Variants in GRHL3 observed in about 807,000 individuals in gnomAD.
GRHL3 encodes grainyhead-like protein 3 homolog.
A neutral mutation model predicts 70.3 loss-of-function variants in GRHL3; 20 were observed. The observed-to-expected ratio is 0.28, with a 90% confidence interval of 0.20 to 0.41. The LOEUF (loss-of-function observed/expected upper bound fraction) is 0.41, where lower values mean the gene tolerates loss of function less well. Among genes scored for constraint, GRHL3 ranks in the 10% least tolerant of loss-of-function variants. The pLI, the probability that GRHL3 is intolerant of heterozygous loss-of-function variation, is 1.00. For missense variants in GRHL3, 637 were observed against 762.3 expected (o/e 0.84, Z 1.94); for synonymous variants, 299 against 299.9 (o/e 1.00, Z 0.03).
chr1:24,349,978 TA>T, intron 14 of GRHL3, 79 bp from the exon 15 acceptor site: 6 of 1,070,898 alleles, frequency 5.6e-6, no homozygotes, highest in Admixed American at 4.4e-5. Flanking sequence ...AATCAGGAAG[TA>T]AAAAAAGTGA....
At position 24,334,721 on chromosome 1, in the gene GRHL3, C is replaced by T. The variant is rs1319504973; in HGVS notation, c.266+15C>T. On this transcript the variant is annotated intron_variant, in intron 3 of 15. Coordinates refer to ENST00000361548, the MANE Select transcript of GRHL3 (RefSeq NM_198173.3). The surrounding 1 kb of genome is among the most constrained non-coding windows in gnomAD (Gnocchi z 4.3). ...CAAGGAAAGAGGTGAGGCTTGCCAA[C>T]ACCCTCTGCCTCTTTGCCCTTCCCC... 3 of 1,604,708 alleles carry T rather than the reference C, an allele frequency of 1.9e-6. No homozygotes were observed. Among genetic ancestry groups the T allele is most frequent in the South Asian group, 1.1e-5 (1 of 89,074 alleles).
chr1:24,319,504 C>T lies in GRHL3; in HGVS notation c.-48C>T. On this transcript the variant is annotated 5_prime_UTR_variant, in exon 1 of 16. Transcript: ENST00000361548. Reference sequence around the variant, plus strand: ...GTGTCAGGCAAGAATTAGAGACAAGCGGTCAGCAGAGCCTCAGTGCTGATC... The same window carrying T: ...GTGTCAGGCAAGAATTAGAGACAAGTGGTCAGCAGAGCCTCAGTGCTGATC... The T allele has an allele frequency of 6.6e-7, 1 of 1,523,694 alleles. No individual in the cohort carries two copies. Among genetic ancestry groups the T allele is most frequent in the Non-Finnish European group, 9.1e-7 (1 of 1,097,656 alleles). 94.4% of individuals were successfully genotyped at this position (1,523,694 alleles called of 1,614,324 possible). A position where few individuals can be genotyped will look rare whatever the true frequency, so the allele number is the denominator to read the frequency against.
At chr1:24,343,071 T>G in intron 11 of GRHL3, 46 bp downstream of exon 11, 1 of 1,612,232 alleles carries the variant, frequency 6.2e-7, no homozygotes. Context: ...GAGAGGGTCC[T>G]GGCTCCTAGG....
At chr1:24,344,865 T>G in intron 11 of GRHL3, 32 bp from the exon 12 acceptor site, 1 of 1,613,388 alleles carries the variant, frequency 6.2e-7, no homozygotes, top group Non-Finnish European at 8.5e-7. Context: ...TTCCTGCGTG[T>G]GATGGAAAAT....
At chr1:24,360,804 G>T in intron 15 of GRHL3, 3 of 1,518,762 alleles carry the variant, frequency 2.0e-6, no homozygotes, top group Non-Finnish European at 2.7e-6. Context: ...ATGACAAACA[G>T]TTCCAGAAGA....
At position 24,354,497 on chromosome 1, in the gene GRHL3, G is replaced by A. The variant is rs373376626; in HGVS notation, c.*9G>A. 1.1e-5 allele frequency: 17 copies of A among 1,580,144 alleles called. No individual in the cohort carries two copies. The highest frequency in any genetic ancestry group is 1.7e-4 in the Middle Eastern group (1 of 6,000). ...TCCTTAAGGAGCTGTAAGGCCTCTC[G>A]AGCATCCAAACCCTCACGACCTGCA... is the stretch of plus-strand genomic sequence containing the variant. On this transcript the variant is annotated 3_prime_UTR_variant, in exon 16 of 16. Coordinates refer to ENST00000361548, the MANE Select transcript of GRHL3 (RefSeq NM_198173.3).
downstream of GRHL3, chr1:24,358,331 G>C (rs1302903959): frequency 5.8e-6 from 4 of 689,852 alleles, no homozygotes; most frequent in Non-Finnish European, 2.7e-6. Flanking sequence ...GGAGTCTGTG[G>C]GGCTGGGGTG....
intron 3 of GRHL3, among the ~76,000 whole-genome samples, chr1:24,335,824 C>G (rs924706197): frequency 2.0e-5 from 3 of 152,124 alleles, no homozygotes; most frequent in African/African-American, 7.2e-5. Context: ...CCTCGTGATC[C>G]GCCCGCCTCG....
At chr1:24,348,645 G>A (rs1456534155) in intron 14 of GRHL3, among the ~76,000 whole-genome samples, 1 of 152,218 alleles carries the variant, frequency 6.6e-6, no homozygotes, top group Non-Finnish European at 1.5e-5. Context: ...TCCAGGAATG[G>A]AGAGTTTACT....
chr1:24,350,824 C>A (rs916948252), intron 15 of GRHL3, among the ~76,000 whole-genome samples: 16 of 152,224 alleles, frequency 1.1e-4, no homozygotes, highest in African/African-American at 3.9e-4. Flanking sequence ...GCAGGCAGTG[C>A]CTGGCTGCCT....
chr1:24,336,376 A>G (rs1639811699), intron 3 of GRHL3, 106 bp from the exon 4 acceptor site: 11 of 732,132 alleles, frequency 1.5e-5, no homozygotes, highest in Non-Finnish European at 9.3e-6. Context: ...GGACCTAAAC[A>G]TTACACTGGA....
intron 15 of GRHL3, chr1:24,360,887 T>C (rs1361981849): frequency 1.2e-6 from 2 of 1,613,544 alleles, no homozygotes; most frequent in African/African-American, 2.7e-5. Flanking sequence ...GGCGCCGCTG[T>C]CCACCGGCTG....
At chr1:24,353,955 C>A (rs1035446687) in intron 15 of GRHL3, among the ~76,000 whole-genome samples, 13 of 152,166 alleles carry the variant, frequency 8.5e-5, no homozygotes, top group African/African-American at 2.9e-4. Context: ...AGGGACACAT[C>A]CTAGCCTCTT....
At chr1:24,330,490 A>G (rs771598817) in intron 1 of GRHL3, among the ~76,000 whole-genome samples, 17 of 152,386 alleles carry the variant, frequency 1.1e-4, no homozygotes, top group Admixed American at 5.2e-4. Flanking sequence ...TAATAATAGT[A>G]TCTGCCTTGC....
intron 12 of GRHL3, 71 bp from the exon 13 acceptor site, chr1:24,346,482 G>A: frequency 2.0e-6 from 2 of 1,000,692 alleles, no homozygotes; most frequent in East Asian, 4.9e-5. Context: ...GCCCCTGGAG[G>A]CCCAGCAGGG....
intron 1 of GRHL3, among the ~76,000 whole-genome samples, chr1:24,324,331 C>T (rs952780019): frequency 4.6e-5 from 7 of 152,022 alleles, no homozygotes; most frequent in South Asian, 4.2e-4. Context: ...TGGGTCCTGA[C>T]GATGAAGCTG....
At position 24,342,811 on chromosome 1, in the gene GRHL3, G is replaced by C. The variant is rs540287536; in HGVS notation, c.1285+39G>C. The C allele has an allele frequency of 6.2e-7, 1 of 1,613,782 alleles. No individual in the cohort carries two copies. The highest frequency in any genetic ancestry group is 1.1e-5 in the South Asian group (1 of 91,084). On this transcript the variant is annotated intron_variant, in intron 10 of 15. Transcript: ENST00000361548. This position sits in a 1 kb window ranked among gnomAD's most constrained non-coding sequence, Gnocchi z 4.8. ...CAGGGCCTGGGTGGGCTCGGCTGGCGTGAAGGGGAGAAGGAGACCAGAGGT... is the reference window on the plus strand; with the variant it reads ...CAGGGCCTGGGTGGGCTCGGCTGGCCTGAAGGGGAGAAGGAGACCAGAGGT...
At chr1:24,330,720 T>C (rs1427734407) in intron 1 of GRHL3, among the ~76,000 whole-genome samples, 8 of 152,238 alleles carry the variant, frequency 5.3e-5, no homozygotes, top group African/African-American at 1.9e-4. Context: ...TCTCTTTCCT[T>C]TGAGCCCTTG....
chr1:24,346,503 T>C, intron 12 of GRHL3, 50 bp from the exon 13 acceptor site: 1 of 1,374,170 alleles, frequency 7.3e-7, no homozygotes, highest in African/African-American at 1.4e-5. Context: ...TCCTTGAGCC[T>C]CTAGGGGTCC....
Sources: gnomAD v4.1 joint callset for allele counts (sites outside exome capture counted in the v4.1 genomes callset) on GRCh38, gnomAD v4.1.1 for gene constraint, Gnocchi (gnomAD v3.1) non-coding constraint, MANE v1.5 for transcripts, NCBI Gene and HGNC (gene_info 2026-07-23, HGNC 2026-07-21) for gene names.